Variants in TUT4 observed in about 807,000 individuals in gnomAD.
The protein encoded by TUT4 is terminal uridylyltransferase 4.
TUT4 carries 36 observed loss-of-function variants against 192.2 expected under a neutral mutation model. The observed-to-expected ratio is 0.19, with a 90% confidence interval of 0.14 to 0.25. The LOEUF is 0.25. Among genes scored for constraint, TUT4 ranks in the 10% least tolerant of loss-of-function variants. The pLI is 1.00. For missense variants in TUT4, 1,493 were observed against 1,957.2 expected, an observed-to-expected ratio of 0.76 and a Z score of 4.47; for synonymous variants, 618 against 666.0, an observed-to-expected ratio of 0.93 and a Z score of 1.11.
chr1:52,463,073 T>C lies in TUT4; in HGVS notation c.3070-1304A>G, dbSNP rs1056215285. On this transcript the variant is annotated intron_variant, in intron 16 of 29. Coordinates refer to ENST00000257177, the MANE Select transcript of TUT4 (RefSeq NM_001009881.3). Reference sequence around the variant, plus strand: ...TCTTTATTATTCAACGATACAATTATGCTAATCTTAAAAGTTTCAATTATG... The same window carrying C: ...TCTTTATTATTCAACGATACAATTACGCTAATCTTAAAAGTTTCAATTATG... 1.1e-5 allele frequency: 11 copies of C among 983,336 alleles called. No homozygotes were observed. The South Asian group carries it at 2.4e-4, about 21-fold the overall frequency. 60.9% of individuals were successfully genotyped at this position (983,336 alleles called of 1,614,324 possible).
chr1:52,535,068 G>T (rs1445693496), intron 1 of TUT4: 1 of 152,102 alleles, frequency 6.6e-6, no homozygotes, highest in African/African-American at 2.4e-5. Flanking sequence ...GCCTGCTGTA[G>T]ATATCTCCTC....
chr1:52,451,616 C>T (rs1366101444), intron 20 of TUT4, among the ~76,000 whole-genome samples: 9 of 152,128 alleles, frequency 5.9e-5, no homozygotes, highest in African/African-American at 1.4e-4. Context: ...CCAAGGCGGG[C>T]GGATCACCTG....
At chr1:52,532,333 CTT>C (rs59071246) in intron 1 of TUT4, among the ~76,000 whole-genome samples, 1 of 145,700 alleles carries the variant, frequency 6.9e-6, no homozygotes, top group Non-Finnish European at 1.5e-5. Context: ...TTTGTTTTAG[CTT>C]TTTTTTTTTA....
chr1:52,476,637 A>G (rs1449699133), intron 12 of TUT4, among the ~76,000 whole-genome samples: 1 of 152,122 alleles, frequency 6.6e-6, no homozygotes, highest in African/African-American at 2.4e-5. Context: ...CACTTCCCAA[A>G]GAAAATGAAA....
intron 1 of TUT4, among the ~76,000 whole-genome samples, chr1:52,544,533 G>T (rs1048624848): frequency 2.0e-5 from 3 of 152,094 alleles, no homozygotes; most frequent in African/African-American, 7.2e-5. Flanking sequence ...ACTCAAAATG[G>T]ATCAAAGACC....
At chr1:52,475,688 A>G (rs549971077) in intron 12 of TUT4, among the ~76,000 whole-genome samples, 153 bp from the exon 13 acceptor site, 1 of 152,326 alleles carries the variant, frequency 6.6e-6, no homozygotes, top group African/African-American at 2.4e-5. Flanking sequence ...GTTCCTGAAA[A>G]TGGGAGGAAA....
At chr1:52,433,740 G>A (rs1652852721) in intron 27 of TUT4, 1 of 152,216 alleles carries the variant, frequency 6.6e-6, no homozygotes, top group African/African-American at 2.4e-5. Flanking sequence ...CCTCAGGCAA[G>A]AAACTGAAAC....
chr1:52,547,498 C>T (rs1409579824), intron 1 of TUT4, among the ~76,000 whole-genome samples: 2 of 151,868 alleles, frequency 1.3e-5, no homozygotes, highest in Non-Finnish European at 2.9e-5. Context: ...ATAAGTTTAT[C>T]GAAACACCCA....
chr1:52,508,901 G>A lies in TUT4; in HGVS notation c.999+695C>T, dbSNP rs148689717. 5.1e-3 allele frequency among the ~76,000 whole-genome samples: 773 copies of A among 152,140 alleles called. 8 individuals carry two copies. Among genetic ancestry groups the A allele is most frequent in the African/African-American group, 0.017 (712 of 41,486 alleles). ...AATAACTGAAAAATTACAAATTCCC[G>A]AAGCTTATAAGTTTCTTAATTGTCT... On this transcript the variant is annotated intron_variant, in intron 4 of 29. Coordinates refer to ENST00000257177, the MANE Select transcript of TUT4 (RefSeq NM_001009881.3).
At chr1:52,475,601 A>C in intron 12 of TUT4, 66 bp from the exon 13 acceptor site, 1 of 1,386,050 alleles carries the variant, frequency 7.2e-7, no homozygotes, top group East Asian at 2.5e-5. Context: ...AAGCTCATAC[A>C]AGTAGATCTT....
At chr1:52,521,785 G>A (rs1052124214) in intron 2 of TUT4, among the ~76,000 whole-genome samples, 1 of 152,140 alleles carries the variant, frequency 6.6e-6, no homozygotes, top group Non-Finnish European at 1.5e-5. Flanking sequence ...TCAACATGGT[G>A]TAACCCCATT....
chr1:52,436,902 C>A lies in TUT4; in HGVS notation c.4015G>T (p.Asp1339Tyr). 1 of 1,541,126 alleles carries A rather than the reference C, an allele frequency of 6.5e-7. No homozygotes were observed. Among genetic ancestry groups the A allele is most frequent in the East Asian group, 2.3e-5 (1 of 42,574 alleles). Reference sequence around the variant, plus strand: ...TGGAGGTCTCGGGGGTCAAGAACATCTCGGGAATCTTTCTCTTCTTCATTC... The same window carrying A: ...TGGAGGTCTCGGGGGTCAAGAACATATCGGGAATCTTTCTCTTCTTCATTC... ...EGNEEEKDSR[D>Y]VLDPRDLHDT... Residue 1339 changes from aspartate to tyrosine, a missense_variant, in exon 26 of 30, where the codon GAT (aspartate) becomes TAT (tyrosine). Asp to Tyr is a radical substitution (Grantham distance 160). Coordinates refer to ENST00000257177, the MANE Select transcript of TUT4 (RefSeq NM_001009881.3).
chr1:52,452,743 C>T (rs1023924711), intron 20 of TUT4, among the ~76,000 whole-genome samples: 1 of 152,158 alleles, frequency 6.6e-6, no homozygotes, highest in Non-Finnish European at 1.5e-5. Context: ...TGTAATATCC[C>T]TTATAATAAA....
chr1:52,499,947 T>TAC (rs529026224), intron 4 of TUT4, among the ~76,000 whole-genome samples: 8,952 of 150,714 alleles, frequency 0.059, 291 homozygotes, highest in South Asian at 0.085. Flanking sequence ...TACATATATA[T>TAC]ACACACACAC....
intron 9 of TUT4, among the ~76,000 whole-genome samples, chr1:52,485,916 T>TTATTA (rs1346148968): frequency 3.5e-4 from 53 of 152,180 alleles, no homozygotes; most frequent in Admixed American, 3.1e-3. Context: ...ACAATGAAGA[T>TTATTA]TTAGGATAAT....
At chr1:52,536,837 A>G (rs1477916818) in intron 1 of TUT4, among the ~76,000 whole-genome samples, 1 of 150,466 alleles carries the variant, frequency 6.6e-6, no homozygotes, top group Admixed American at 6.6e-5. Context: ...CTGGGCAACA[A>G]GAGTTTCGTC....
intron 1 of TUT4, among the ~76,000 whole-genome samples, chr1:52,546,250 T>G (rs1189918041): frequency 1.2e-4 from 19 of 152,222 alleles, no homozygotes. Context: ...TGTACACTCA[T>G]GTTCACAGCA....
intron 15 of TUT4, among the ~76,000 whole-genome samples, chr1:52,466,682 A>ATATATATATTTT (rs372853314): frequency 1.6e-5 from 2 of 123,830 alleles, no homozygotes; most frequent in African/African-American, 6.5e-5. Context: ...ATATATATAT[A>ATATATATATTTT]TTTTTGAGAC....
At chr1:52,476,197 CAAACTT>C (rs1667033332) in intron 12 of TUT4, among the ~76,000 whole-genome samples, 1 of 151,580 alleles carries the variant, frequency 6.6e-6, no homozygotes, top group Non-Finnish European at 1.5e-5. Flanking sequence ...ACAAGTAAAA[CAAACTT>C]AAAACTCTCA....
Sources: allele counts gnomAD v4.1 joint callset (sites outside exome capture counted in the v4.1 genomes callset), GRCh38; gene constraint gnomAD v4.1.1; transcripts MANE v1.5; gene names NCBI Gene and HGNC (gene_info 2026-07-23, HGNC 2026-07-21).